The following MCCC1 variants were observed in gnomAD, a reference collection of about 807,000 sequenced individuals.
MCCC1 encodes the protein methylcrotonyl-CoA carboxylase subunit 1.
In MCCC1, 64 loss-of-function variants were observed where a neutral mutation model predicts 83.8. The observed-to-expected ratio is 0.76, with a 90% CI of 0.62 to 0.94. MCCC1 has a LOEUF of 0.94. MCCC1 is among the 40% of genes least tolerant of loss of function. The pLI, the probability that MCCC1 is intolerant of heterozygous loss-of-function variation, is 0.00. For missense variants in MCCC1, 807 were observed against 904.7 expected (o/e 0.89, Z 1.39); for synonymous variants, 322 against 315.4 (o/e 1.02, Z -0.22).
At chr3:183,053,148 G>C (rs940484484) in intron 8 of MCCC1, among the ~76,000 whole-genome samples, 5 of 152,230 alleles carry the variant, frequency 3.3e-5, no homozygotes, top group African/African-American at 1.2e-4. Flanking sequence ...GGGTGTGTTT[G>C]TGTCTTCATT....
intron 4 of MCCC1, among the ~76,000 whole-genome samples, chr3:183,085,627 CT>C (rs1195115512): frequency 6.8e-5 from 4 of 59,176 alleles, no homozygotes; most frequent in Admixed American, 4.9e-4. Flanking sequence ...AAGACCCTGT[CT>C]TTAAAAAAAA....
In MCCC1 at chr3:183,052,793, G is replaced by C. The variant is rs534650842; in HGVS notation, c.874-553C>G. Among the ~76,000 whole-genome samples the C allele has an allele frequency of 2.0e-4, 22 of 108,542 alleles. No individual in the cohort carries two copies. The South Asian group carries it at 6.8e-3, about 33-fold the overall frequency. 71.2% of individuals were successfully genotyped at this position (108,542 alleles called of 152,430 possible). On this transcript the variant is annotated intron_variant, in intron 8 of 18. Coordinates refer to ENST00000265594, the MANE Select transcript of MCCC1 (RefSeq NM_020166.5). ...CCACTGTACTCCAGCCTGGGTGACA[G>C]AGTGAGACTTTGTCTCAAAAAAAAA...
rs1160925404 is a variant in MCCC1 at position 183,021,017 on chromosome 3, A to G, written c.1870-780T>C. Among the ~76,000 whole-genome samples the G allele has an allele frequency of 1.1e-3, 166 of 151,992 alleles. 3 individuals are homozygous for G. Among genetic ancestry groups the G allele is most frequent in the Admixed American group, 3.3e-3 (50 of 15,276 alleles). ...AGAGCTTGCAGTGAGCCGAGATGGC[A>G]CCACTGCACTCCAACCTGGACAACA... On this transcript the variant is annotated intron_variant, in intron 16 of 18. Coordinates refer to ENST00000265594, the MANE Select transcript of MCCC1 (RefSeq NM_020166.5).
intron 3 of MCCC1, chr3:183,091,033 T>G (rs576604557): frequency 9.4e-5 from 43 of 456,576 alleles, no homozygotes; most frequent in South Asian, 6.4e-4. Flanking sequence ...ATCATCCTGC[T>G]GCAAAAAGGT....
chr3:183,099,571 G>A, upstream of MCCC1: 5 of 1,092,960 alleles, frequency 4.6e-6, no homozygotes, highest in Middle Eastern at 2.0e-4. Context: ...CCTACCTTTG[G>A]GCTGATCCAA....
chr3:183,107,502 T>A (rs1719424800), intron 1 of MCCC1, among the ~76,000 whole-genome samples: 1 of 151,342 alleles, frequency 6.6e-6, no homozygotes. Flanking sequence ...GATTCCTCTG[T>A]TTTGTTTTTA....
intron 18 of MCCC1, chr3:183,016,236 GT>G (rs200742191): frequency 2.3e-5 from 3 of 129,856 alleles, no homozygotes; most frequent in Non-Finnish European, 4.9e-5. Flanking sequence ...CTTGTTGTTT[GT>G]TTTTTTAAAT....
At chr3:183,063,193 C>CA (rs1715981289) in intron 7 of MCCC1, among the ~76,000 whole-genome samples, 1 of 18,460 alleles carries the variant, frequency 5.4e-5, no homozygotes, top group East Asian at 0.083. Flanking sequence ...CTGTGTTAGC[C>CA]AGATGGTCTT....
chr3:183,100,316 T>C (rs1340543078), upstream of MCCC1, among the ~76,000 whole-genome samples: 3 of 152,126 alleles, frequency 2.0e-5, no homozygotes, highest in Non-Finnish European at 4.4e-5. Context: ...GAAAATACAA[T>C]TTATCAAAAT....
chr3:183,025,631 T>G, intron 15 of MCCC1, 124 bp downstream of exon 15: 1 of 885,620 alleles, frequency 1.1e-6, no homozygotes. Context: ...AAGCATAAGA[T>G]ATTCTCTTAA....
intron 7 of MCCC1, among the ~76,000 whole-genome samples, chr3:183,062,618 G>T (rs1715930145): frequency 6.6e-6 from 1 of 152,196 alleles, no homozygotes; most frequent in African/African-American, 2.4e-5. Flanking sequence ...GCCTCCCAAA[G>T]TGCTGGGATT....
At chr3:183,050,168 T>C (rs902843830) in intron 9 of MCCC1, among the ~76,000 whole-genome samples, 1 of 151,636 alleles carries the variant, frequency 6.6e-6, no homozygotes, top group Non-Finnish European at 1.5e-5. Context: ...GCCTGGGCAA[T>C]ATGAGACCCT....
intron 4 of MCCC1, among the ~76,000 whole-genome samples, chr3:183,075,789 C>G (rs1157390317): frequency 6.6e-6 from 1 of 151,876 alleles, no homozygotes; most frequent in Non-Finnish European, 1.5e-5. Flanking sequence ...ATCTGCCCGC[C>G]TCGGCCTCCC....
intron 1 of MCCC1, among the ~76,000 whole-genome samples, chr3:183,113,497 T>C (rs1276774482): frequency 1.3e-5 from 2 of 151,530 alleles, no homozygotes; most frequent in East Asian, 3.9e-4. Flanking sequence ...CACACCAACA[T>C]GGCACATGTA....
chr3:183,049,566 G>A (rs1183854490), intron 9 of MCCC1, among the ~76,000 whole-genome samples: 5 of 142,050 alleles, frequency 3.5e-5, no homozygotes, highest in Non-Finnish European at 7.6e-5. Flanking sequence ...ATGAGACTTT[G>A]TTTCAAAAAA....
rs1713692712 is a variant in MCCC1, at chr3:183,037,264, G to A, written c.1548C>T (p.Ile516=). ...ESLCQAALGL[I]LKEKAMTDTF... is the part of the protein sequence containing the mutation. ...TGTCGGTCATGGCTTTCTCCTTGAG[G>A]ATGAGACCCAGGGCTGCCTGGCATA... Residue 516 remains isoleucine, a synonymous_variant, in exon 13 of 19, where the codon ATC becomes ATT. Transcript: ENST00000265594. 3 of 1,613,966 alleles carry A rather than the reference G, an allele frequency of 1.9e-6. No individual in the cohort carries two copies. In the Admixed American group the frequency reaches 5.0e-5, roughly 27 times the overall value.
chr3:183,051,186 A>G (rs1714947929), intron 9 of MCCC1, among the ~76,000 whole-genome samples: 1 of 152,216 alleles, frequency 6.6e-6, no homozygotes, highest in Non-Finnish European at 1.5e-5. Flanking sequence ...CAAATAAACT[A>G]AAAAATTATG....
Position 183,017,292 on chromosome 3 carries a change from T to C in MCCC1, c.2023A>G (p.Met675Val). 1 of 1,613,978 alleles carries C rather than the reference T, an allele frequency of 6.2e-7. No individual in the cohort carries two copies. Among genetic ancestry groups the C allele is most frequent in the East Asian group, 2.2e-5 (1 of 44,874 alleles). ...TCCATCTTCATGGCGATCATAACCATGAGGGAATCTCCCGCTTTCACTTTG... is the reference window on the plus strand; with the variant it reads ...TCCATCTTCATGGCGATCATAACCACGAGGGAATCTCCCGCTTTCACTTTG... Reference protein sequence around the residue: ...GDKVKAGDSLMVMIAMKMEHT... With the variant: ...GDKVKAGDSLVVMIAMKMEHT... The change falls in exon 18 of 19, where the codon ATG becomes GTG. Residue 675 changes from methionine (M) to valine (V), a missense_variant. By Grantham distance (21) the Met-to-Val change is conservative. Transcript: ENST00000265594.
chr3:183,108,718 C>A (rs1029029112), intron 1 of MCCC1, among the ~76,000 whole-genome samples: 1 of 152,140 alleles, frequency 6.6e-6, no homozygotes, highest in Non-Finnish European at 1.5e-5. Flanking sequence ...CCCACTGATC[C>A]TGTTTTAGAT....
Sources: gnomAD v4.1 joint callset for allele counts (sites outside exome capture counted in the v4.1 genomes callset) on GRCh38, gnomAD v4.1.1 for gene constraint, MANE v1.5 for transcripts, NCBI Gene and HGNC (gene_info 2026-07-23, HGNC 2026-07-21) for gene names.